TATDN2: variants seen among roughly 807,000 people sequenced by gnomAD.
The protein encoded by TATDN2 is 3'-5' RNA nuclease TATDN2.
Under a neutral mutation model 60.3 loss-of-function variants are expected in TATDN2, and 44 were observed. The observed-to-expected ratio is 0.73, with a 90% CI of 0.57 to 0.94. The LOEUF (loss-of-function observed/expected upper bound fraction) is 0.94, where lower values mean the gene tolerates loss of function less well. Among genes scored for constraint, TATDN2 ranks in the 40% least tolerant of loss-of-function variants. The pLI is 0.00. For synonymous variants in TATDN2, 399 were observed against 355.8 expected (o/e 1.12, Z -1.37); for missense variants, 997 against 948.0 (o/e 1.05, Z -0.68).
At chr3:10,275,462 A>C (rs976986350) in intron 4 of TATDN2, among the ~76,000 whole-genome samples, 1 of 152,104 alleles carries the variant, frequency 6.6e-6, no homozygotes, top group Admixed American at 6.5e-5. Context: ...AAAGGAAGCA[A>C]ATTGGCCGGG....
intron 1 of TATDN2, 47 bp from the exon 2 acceptor site, chr3:10,249,148 T>G: frequency 1.4e-6 from 2 of 1,468,418 alleles, no homozygotes; most frequent in Non-Finnish European, 1.8e-6. Flanking sequence ...TGAGGTGGGG[T>G]CGCCAGGAAG....
In TATDN2 at chr3:10,278,960, G is replaced by A. The variant is rs752257135; in HGVS notation, c.2221G>A (p.Asp741Asn). The change falls in exon 7 of 8, where the codon GAT becomes AAT. Residue 741 changes from aspartate (D) to asparagine (N), a missense_variant. Asp to Asn is a conservative substitution (Grantham distance 23). Transcript: ENST00000448281. This position sits in a 1 kb window ranked among gnomAD's most constrained non-coding sequence, Gnocchi z 4.7. ...HTVREIARVK[D>N]QPLSLTLAAL... Reference sequence around the variant, plus strand: ...GGTCCGAGAGATTGCCAGAGTCAAAGATCAGCCACTCTCCCTCACCTTGGC... The same window carrying A: ...GGTCCGAGAGATTGCCAGAGTCAAAAATCAGCCACTCTCCCTCACCTTGGC... The A allele has an allele frequency of 2.5e-6, 4 of 1,614,108 alleles. No homozygotes were observed. The highest frequency in any genetic ancestry group is 2.2e-5 in the South Asian group (2 of 91,078).
At chr3:10,265,893 C>G (rs1698469741) in intron 3 of TATDN2, among the ~76,000 whole-genome samples, 1 of 152,062 alleles carries the variant, frequency 6.6e-6, no homozygotes, top group Non-Finnish European at 1.5e-5. Flanking sequence ...CAGCTAATTC[C>G]TATTTTCATC....
chr3:10,265,105 C>A (rs1237434757), intron 3 of TATDN2, among the ~76,000 whole-genome samples: 1 of 119,768 alleles, frequency 8.3e-6, no homozygotes, highest in Non-Finnish European at 1.6e-5. Flanking sequence ...GAGACAGAGT[C>A]TCACTCTGTG....
intron 3 of TATDN2, among the ~76,000 whole-genome samples, chr3:10,265,543 A>G (rs951066565): frequency 1.6e-4 from 24 of 151,326 alleles, no homozygotes; most frequent in Non-Finnish European, 3.2e-4. Flanking sequence ...TTAGCCAGGT[A>G]TGGTGGCGTG....
At chr3:10,255,022 C>G (rs1698287073) in intron 2 of TATDN2, among the ~76,000 whole-genome samples, 1 of 136,230 alleles carries the variant, frequency 7.3e-6, no homozygotes, top group Admixed American at 7.3e-5. Context: ...ACTCCCCCTC[C>G]CCCTCCCCCT....
chr3:10,249,116 T>G, intron 1 of TATDN2, 49 bp downstream of exon 1: 2 of 1,473,490 alleles, frequency 1.4e-6, no homozygotes, highest in Non-Finnish European at 1.8e-6. Context: ...GCCGTCCTCC[T>G]GGGCCCGGGG....
chr3:10,277,233 T>A (rs565302976), intron 5 of TATDN2, among the ~76,000 whole-genome samples: 70 of 152,374 alleles, frequency 4.6e-4, no homozygotes, highest in Admixed American at 4.4e-3. Flanking sequence ...AGGTCATGTT[T>A]TATCAGAATG....
Position 10,270,320 on chromosome 3 carries a change from T to A in TATDN2, c.1138T>A (p.Cys380Ser). Residue 380 changes from cysteine (C) to serine (S), a missense_variant, in exon 4 of 8, where the codon TGT (cysteine) becomes AGT (serine). Cys to Ser is a moderately radical substitution (Grantham distance 112). Transcript: ENST00000448281. The stretch of plus-strand genomic sequence containing the variant: ...TCCTCATTTGTACAGTAGTCCTTGG[T>A]GTGACTACGCCAGCTATTGGACCAG... Reference protein sequence around the residue: ...YPPHLYSSPWCDYASYWTSSP... With the variant: ...YPPHLYSSPWSDYASYWTSSP... 1 of 1,614,162 alleles carries A rather than the reference T, an allele frequency of 6.2e-7. No individual in the cohort carries two copies. Among genetic ancestry groups the A allele is most frequent in the Non-Finnish European group, 8.5e-7 (1 of 1,180,034 alleles).
intron 2 of TATDN2, among the ~76,000 whole-genome samples, chr3:10,253,586 A>C (rs183103661): frequency 6.6e-6 from 1 of 152,244 alleles, no homozygotes; most frequent in Non-Finnish European, 1.5e-5. Context: ...TATTTTTACT[A>C]TGACATCTAA....
Position 10,280,295 on chromosome 3 carries a change from T to G in TATDN2, c.*1113T>G, listed in dbSNP as rs998724840. On this transcript the variant is annotated 3_prime_UTR_variant, in exon 8 of 8. Transcript: ENST00000448281. ...GGCTTTGCCTCTCCTGTGTCCTGTC[T>G]TTCTGCGTTTTAGAAGTGAGAGCCT... The G allele has an allele frequency of 6.5e-6, 1 of 153,862 alleles. No homozygotes were observed. Among genetic ancestry groups the G allele is most frequent in the African/African-American group, 2.4e-5 (1 of 41,462 alleles). The allele number at this position is 153,862 out of a possible 1,614,324, so 9.5% of individuals were successfully genotyped here. A position where few individuals can be genotyped will look rare whatever the true frequency, so the allele number is the denominator to read the frequency against.
chr3:10,249,182 CT>C lies in TATDN2; in HGVS notation c.-6-12del. ...AGGGTGGTGTTGGAATCCAGGCCCC[CT>C]GTACCTTGCAGGTGCCCATGGCGTC... On this transcript the variant is annotated splice_polypyrimidine_tract_variant and intron_variant, in intron 1 of 7. Coordinates refer to ENST00000448281, the MANE Select transcript of TATDN2 (RefSeq NM_014760.4). 1 of 1,509,038 alleles carries C rather than the reference CT, an allele frequency of 6.6e-7. No homozygotes were observed. The highest frequency in any genetic ancestry group is 1.4e-5 in the African/African-American group (1 of 71,298). The allele number at this position is 1,509,038 out of a possible 1,614,324, so 93.5% of individuals were successfully genotyped here.
intron 4 of TATDN2, among the ~76,000 whole-genome samples, chr3:10,273,340 ATGG>A (rs2067370): frequency 0.22 from 32,784 of 152,080 alleles, 3,712 homozygotes; most frequent in Middle Eastern, 0.26. Flanking sequence ...AATGAGGTGA[ATGG>A]TGGTGACTGG....
At chr3:10,272,405 C>T (rs1698579439) in intron 4 of TATDN2, among the ~76,000 whole-genome samples, 1 of 151,810 alleles carries the variant, frequency 6.6e-6, no homozygotes. Context: ...TCCTGAGTAG[C>T]TGGGATTACA....
rs1008987291 is a variant in TATDN2, at chr3:10,260,083, A to G, written c.415-54A>G. 5.8e-6 allele frequency: 9 copies of G among 1,548,086 alleles called. No homozygotes were observed. In the African/African-American group the frequency reaches 8.3e-5, roughly 14 times the overall value. On this transcript the variant is annotated intron_variant, in intron 2 of 7. Coordinates refer to ENST00000448281, the MANE Select transcript of TATDN2 (RefSeq NM_014760.4). The stretch of plus-strand genomic sequence containing the variant: ...TGATTTATAATTTGCCAAATGCTTC[A>G]TGTACGAAAGTGCCCTTGGAACAGC...
At chr3:10,271,550 C>G (rs1026902212) in intron 4 of TATDN2, among the ~76,000 whole-genome samples, 1 of 151,686 alleles carries the variant, frequency 6.6e-6, no homozygotes, top group South Asian at 2.1e-4. Flanking sequence ...GTGATCCACC[C>G]GCCTTGGCCT....
rs1200773060 is a variant in TATDN2 at position 10,278,334 on chromosome 3, A to T, written c.2017A>T (p.Asn673Tyr). ...VIEPLLKYFP[N>Y]MSVGFTAVLT... ...TGAGCCCCTGCTGAAGTACTTTCCC[A>T]ACATGTCTGTGGGCTTCACGGCAGT... Residue 673 changes from asparagine (N) to tyrosine (Y), a missense_variant, in exon 6 of 8, where the codon AAC becomes TAC. Transcript: ENST00000448281. This position sits in a 1 kb window ranked among gnomAD's most constrained non-coding sequence, Gnocchi z 4.7. 1 of 1,614,032 alleles carries T rather than the reference A, an allele frequency of 6.2e-7. No homozygotes were observed. Among genetic ancestry groups the T allele is most frequent in the Non-Finnish European group, 8.5e-7 (1 of 1,180,024 alleles).
intron 3 of TATDN2, among the ~76,000 whole-genome samples, chr3:10,267,452 T>TATCCA (rs1698495118): frequency 8.6e-6 from 1 of 115,724 alleles, no homozygotes; most frequent in Non-Finnish European, 1.7e-5. Context: ...TAAATTTCCC[T>TATCCA]GTTTGTTTGA....
In TATDN2 at chr3:10,257,841, A is replaced by ATTTTTTTTTTTTTTT. The variant is rs553265148; in HGVS notation, c.415-2275_415-2261dup. Among the ~76,000 whole-genome samples the ATTTTTTTTTTTTTTT allele has an allele frequency of 4.0e-3, 121 of 30,296 alleles. 25 individuals carry two copies. The highest frequency in any genetic ancestry group is 6.8e-3 in the Non-Finnish European group (98 of 14,388). The allele number at this position is 30,296 out of a possible 152,430, so 19.9% of individuals were successfully genotyped here. On this transcript the variant is annotated intron_variant, in intron 2 of 7. Transcript: ENST00000448281. ...AAGTATAGATTTCTAAAGGTTTATGATTTTTTTTTTTTTTTTTTTTTTTTT... is the reference window on the plus strand; with the variant it reads ...AAGTATAGATTTCTAAAGGTTTATGATTTTTTTTTTTTTTTTTTTTTTTTTTTTTTTTTTTTTTTT...
Sources: gnomAD v4.1 joint callset for allele counts (sites outside exome capture counted in the v4.1 genomes callset) on GRCh38, gnomAD v4.1.1 for gene constraint, Gnocchi (gnomAD v3.1) non-coding constraint, MANE v1.5 for transcripts, NCBI Gene and HGNC (gene_info 2026-07-23, HGNC 2026-07-21) for gene names.